The following COL18A1 variants were observed in gnomAD, a reference collection of about 807,000 sequenced individuals.
COL18A1 encodes collagen alpha-1(XVIII) chain.
COL18A1 carries 133 observed loss-of-function variants against 168.0 expected under a neutral mutation model. The ratio of observed to expected loss-of-function variants is 0.79; its 90% CI spans 0.69 to 0.91. The LOEUF (loss-of-function observed/expected upper bound fraction) is 0.91. Ranked by LOEUF, COL18A1 falls within the 40% of genes least tolerant of loss-of-function variation. COL18A1 has a pLI of 0.00. For missense variants in COL18A1, 2,126 were observed against 1,925.4 expected, an observed-to-expected ratio of 1.10 and a Z score of -1.95; for synonymous variants, 949 against 809.0, an observed-to-expected ratio of 1.17 and a Z score of -2.94.
intron 16 of COL18A1, among the ~76,000 whole-genome samples, chr21:45,487,204 G>T (rs1195861260): frequency 6.6e-6 from 1 of 152,214 alleles, no homozygotes; most frequent in Non-Finnish European, 1.5e-5. Context: ...TCTTGGCCCA[G>T]CCATGCCCCA....
At chr21:45,494,244 G>GCCCTCCC (rs148165382) in intron 26 of COL18A1, 8 of 448,954 alleles carry the variant, frequency 1.8e-5, no homozygotes, top group African/African-American at 6.7e-5. Context: ...CGTGGCACAT[G>GCCCTCCC]CCCTCCACCC....
At chr21:45,450,943 C>A (rs1000386611) in intron 2 of COL18A1, among the ~76,000 whole-genome samples, 3 of 152,234 alleles carry the variant, frequency 2.0e-5, no homozygotes, top group Non-Finnish European at 4.4e-5. Flanking sequence ...GGGACAGCAC[C>A]CCCGGGTCCA....
At chr21:45,505,322 T>C (rs775722514) in intron 35 of COL18A1, 36 bp from the exon 36 acceptor site, 7 of 1,596,416 alleles carry the variant, frequency 4.4e-6, no homozygotes, top group Non-Finnish European at 6.0e-6. Context: ...CCGCCTCGTG[T>C]GGCTTCGTGT....
intron 22 of COL18A1, 22 bp downstream of exon 22, chr21:45,491,336 G>A (rs2036335271): frequency 2.6e-6 from 4 of 1,567,784 alleles, no homozygotes; most frequent in African/African-American, 1.4e-5. Context: ...GCGTGGGTGG[G>A]CACCCAATCT....
At chr21:45,490,659 C>CA (rs1255639027) in intron 20 of COL18A1, among the ~76,000 whole-genome samples, 177 bp from the exon 21 acceptor site, 10 of 128,312 alleles carry the variant, frequency 7.8e-5, no homozygotes, top group Non-Finnish European at 1.1e-4. Flanking sequence ...TGCCCACTCC[C>CA]GGAGCGCCAG....
chr21:45,485,346 T>C (rs540856281), intron 15 of COL18A1, among the ~76,000 whole-genome samples: 62 of 150,694 alleles, frequency 4.1e-4, no homozygotes, highest in Non-Finnish European at 7.2e-4. Flanking sequence ...AAAAATTAGA[T>C]GAGGCTGGAC....
At chr21:45,501,466 G>A (rs921762675) in intron 32 of COL18A1, among the ~76,000 whole-genome samples, 1 of 152,158 alleles carries the variant, frequency 6.6e-6, no homozygotes, top group African/African-American at 2.4e-5. Context: ...GACCCCACGA[G>A]TGCAGTAGAA....
At chr21:45,455,366 C>T (rs1484719722) in intron 2 of COL18A1, 2 of 974,436 alleles carry the variant, frequency 2.1e-6, no homozygotes, top group Admixed American at 2.4e-5. Flanking sequence ...ACCTTGATTC[C>T]AAGGCTGGTG....
At chr21:45,448,724 G>T (rs961057295) in intron 2 of COL18A1, among the ~76,000 whole-genome samples, 14 of 152,246 alleles carry the variant, frequency 9.2e-5, no homozygotes, top group African/African-American at 3.1e-4. Context: ...CTGTGAACAG[G>T]TCGTCTTCAG....
Position 45,504,638 on chromosome 21 carries a change from G to A in COL18A1, c.2868+82G>A, listed in dbSNP as rs551232243. The A allele has an allele frequency of 9.5e-5, 123 of 1,292,500 alleles. No homozygotes were observed. In the South Asian group the frequency reaches 1.1e-3, roughly 12 times the overall value. 80.1% of individuals were successfully genotyped at this position (1,292,500 alleles called of 1,614,324 possible). ...CGAGGGCAGGTCCAGCCCGGCCTTC[G>A]ACACCCGCGAAGGCCGGAGCTGCCC... is the stretch of plus-strand genomic sequence containing the variant. On this transcript the variant is annotated intron_variant, in intron 34 of 41. Transcript: ENST00000651438.
intron 27 of COL18A1, 89 bp from the exon 28 acceptor site, chr21:45,494,773 G>C: frequency 7.6e-7 from 1 of 1,323,654 alleles, no homozygotes; most frequent in Non-Finnish European, 1.1e-6. Flanking sequence ...GCTGTGCTCT[G>C]CATGGCCCCT....
chr21:45,492,265 C>G (rs1314882185), intron 22 of COL18A1, among the ~76,000 whole-genome samples: 3 of 152,142 alleles, frequency 2.0e-5, no homozygotes, highest in Non-Finnish European at 4.4e-5. Context: ...CGCCGGCAAG[C>G]AAGGGAGCGT....
At chr21:45,478,507 G>T (rs1568905700) in intron 9 of COL18A1, among the ~76,000 whole-genome samples, 154 bp downstream of exon 9, 1 of 152,226 alleles carries the variant, frequency 6.6e-6, no homozygotes, top group Non-Finnish European at 1.5e-5. Flanking sequence ...AAGAAAAGAT[G>T]AGTGTAACTG....
At chr21:45,494,714 C>T in intron 27 of COL18A1, 143 bp downstream of exon 27, 7 of 1,361,692 alleles carry the variant, frequency 5.1e-6, no homozygotes, top group South Asian at 2.4e-5. Context: ...GGGCAGGTGT[C>T]GGCGTGAGGC....
Position 45,443,075 on chromosome 21 carries a change from G to A in COL18A1, c.107-25167G>A, listed in dbSNP as rs937108090. Among the ~76,000 whole-genome samples, 2 of 132,000 alleles carry A rather than the reference G, an allele frequency of 1.5e-5. No individual in the cohort carries two copies. The highest frequency in any genetic ancestry group is 3.1e-5 in the Non-Finnish European group (2 of 63,702). 86.6% of individuals were successfully genotyped at this position (132,000 alleles called of 152,430 possible). On this transcript the variant is annotated intron_variant, in intron 2 of 41. Coordinates refer to ENST00000651438, the MANE Select transcript of COL18A1 (RefSeq NM_001379500.1). The surrounding 1 kb of genome is among the most constrained non-coding windows in gnomAD (Gnocchi z 5.2). ...GTGTGGGCGGTGGTGGTGCTGGTGT[G>A]GGTGGTGGTGGTGCTGATGTGGGCG...
rs1208862775 is a variant in COL18A1, at chr21:45,511,099, T to C, written c.3694-12T>C. On this transcript the variant is annotated splice_polypyrimidine_tract_variant and intron_variant, in intron 40 of 41. Transcript: ENST00000651438. ...ACACACCACACACACATACACACGG[T>C]TTCTCTTCCAGGACGAGCTGCTGTT... 7.4e-7 allele frequency: 1 copy of C among 1,358,412 alleles called. No individual in the cohort carries two copies. Among genetic ancestry groups the C allele is most frequent in the East Asian group, 2.8e-5 (1 of 35,834 alleles). 84.1% of individuals were successfully genotyped at this position (1,358,412 alleles called of 1,614,324 possible). A position where few individuals can be genotyped will look rare whatever the true frequency, so the allele number is the denominator to read the frequency against.
intron 2 of COL18A1, among the ~76,000 whole-genome samples, chr21:45,450,350 T>A (rs1480455000): frequency 6.6e-6 from 1 of 152,022 alleles, no homozygotes; most frequent in Non-Finnish European, 1.5e-5. Flanking sequence ...AGGGTCGAGG[T>A]GTGGGAGACC....
chr21:45,449,727 G>A (rs1025677907), intron 2 of COL18A1, among the ~76,000 whole-genome samples: 2 of 152,166 alleles, frequency 1.3e-5, no homozygotes, highest in African/African-American at 4.8e-5. Flanking sequence ...ACCCAGGCCT[G>A]GCCACCCGGC....
chr21:45,432,654 A>G (rs573112995), intron 2 of COL18A1, among the ~76,000 whole-genome samples: 1 of 152,352 alleles, frequency 6.6e-6, no homozygotes, highest in Non-Finnish European at 1.5e-5. Context: ...CGGCAGGACA[A>G]TGGCCAGTTT....
Sources: allele counts gnomAD v4.1 joint callset (sites outside exome capture counted in the v4.1 genomes callset), GRCh38; gene constraint gnomAD v4.1.1; non-coding constraint Gnocchi (gnomAD v3.1); transcripts MANE v1.5; gene names NCBI Gene and HGNC (gene_info 2026-07-23, HGNC 2026-07-21).